RTN4: variants seen among roughly 807,000 people sequenced by gnomAD.
The protein encoded by RTN4 is reticulon-4.
Under a neutral mutation model 90.4 loss-of-function variants are expected in RTN4, and 32 were observed. The ratio of observed to expected loss-of-function variants is 0.35; its 90% CI spans 0.27 to 0.48. RTN4 has a LOEUF of 0.48. Among genes scored for constraint, RTN4 ranks in the 20% least tolerant of loss-of-function variants. The pLI, the probability that RTN4 is intolerant of heterozygous loss-of-function variation, is 0.99. For synonymous variants in RTN4, 629 were observed against 552.5 expected (o/e 1.14, Z -1.94); for missense variants, 1,706 against 1,430.2 (o/e 1.19, Z -3.11).
chr2:55,130,364 A>C, the RTN4 span, among the ~76,000 whole-genome samples: 1 of 152,202 alleles, frequency 6.6e-6, no homozygotes, highest in South Asian at 2.1e-4. Context: ...GGAAAAATAC[A>C]TACTAAGATG....
At chr2:55,067,713 C>T (rs185314863) in intron 2 of RTN4, among the ~76,000 whole-genome samples, 2 of 152,226 alleles carry the variant, frequency 1.3e-5, no homozygotes, top group East Asian at 3.9e-4. Context: ...CACACCTGGC[C>T]CCATATTGTA....
At chr2:55,120,072 C>T in the RTN4 span, among the ~76,000 whole-genome samples, 2 of 152,214 alleles carry the variant, frequency 1.3e-5, no homozygotes, top group African/African-American at 2.4e-5. Context: ...GACTGGCCCA[C>T]GGCACTGAGA....
upstream of RTN4, among the ~76,000 whole-genome samples, chr2:55,051,655 G>A (rs1668091842): frequency 6.6e-6 from 1 of 152,152 alleles, no homozygotes; most frequent in African/African-American, 2.4e-5. Context: ...TACCTGACAG[G>A]TACTGGCTAC....
the RTN4 span, among the ~76,000 whole-genome samples, chr2:55,119,876 AC>A: frequency 6.6e-6 from 1 of 152,142 alleles, no homozygotes; most frequent in African/African-American, 2.4e-5. Flanking sequence ...GAGGAGTCAG[AC>A]CATTGACCAG....
At chr2:55,078,172 A>G (rs750107139) in intron 2 of RTN4, among the ~76,000 whole-genome samples, 1 of 152,190 alleles carries the variant, frequency 6.6e-6, no homozygotes, top group Non-Finnish European at 1.5e-5. Flanking sequence ...CAAAAAACCT[A>G]TTGAAATAAA....
rs1043804491 is a variant in RTN4, at chr2:55,080,071, T to G, written c.-63+418A>C. Reference sequence around the variant, plus strand: ...GACAGGGTCCTCCCAGGCTAGAGTGTAGTGGCATGATCACAGTTAACTACA... The same window carrying G: ...GACAGGGTCCTCCCAGGCTAGAGTGGAGTGGCATGATCACAGTTAACTACA... On this transcript the variant is annotated intron_variant, in intron 2 of 3. Coordinates refer to the RTN4 transcript ENST00000427710. Among the ~76,000 whole-genome samples, 16 of 152,256 alleles carry G rather than the reference T, an allele frequency of 1.1e-4. No individual in the cohort carries two copies. In the East Asian group the frequency reaches 3.1e-3, roughly 29 times the overall value.
intron 1 of RTN4, among the ~76,000 whole-genome samples, chr2:55,105,774 C>G (rs1004520349): frequency 1.3e-5 from 2 of 152,070 alleles, no homozygotes; most frequent in Middle Eastern, 3.4e-3. Context: ...GGATACAAGA[C>G]CAACCTGGGC....
chr2:55,023,507 C>T (rs1390057845), intron 3 of RTN4, among the ~76,000 whole-genome samples: 2 of 152,094 alleles, frequency 1.3e-5, no homozygotes, highest in African/African-American at 4.8e-5. Context: ...TTCCTTTCCA[C>T]TCACTACAAT....
At chr2:55,079,909 C>G (rs1668677026) in intron 2 of RTN4, among the ~76,000 whole-genome samples, 1 of 152,190 alleles carries the variant, frequency 6.6e-6, no homozygotes, top group African/African-American at 2.4e-5. Flanking sequence ...GCCAGGCAGT[C>G]TAGTGCAAAC....
chr2:55,076,752 C>T (rs905842691), intron 2 of RTN4, among the ~76,000 whole-genome samples: 10 of 152,082 alleles, frequency 6.6e-5, no homozygotes, highest in Non-Finnish European at 1.3e-4. Flanking sequence ...TTGGGAGGGA[C>T]CCAGTGGGAG....
chr2:54,982,683 CT>C, intron 4 of RTN4, 30 bp from the exon 5 acceptor site: 1 of 1,569,528 alleles, frequency 6.4e-7, no homozygotes, highest in Non-Finnish European at 8.6e-7. Context: ...ATAATTGTCA[CT>C]AATTGGAGTG....
In RTN4 at chr2:54,987,598, G is replaced by T. The variant is rs766388200; in HGVS notation, c.3114C>A (p.Ser1038Arg). 6.2e-7 allele frequency: 1 copy of T among 1,614,114 alleles called. No individual in the cohort carries two copies. The highest frequency in any genetic ancestry group is 1.7e-5 in the Admixed American group (1 of 60,020). The change falls in exon 4 of 9, where the codon AGC becomes AGA. Residue 1038 changes from serine (S) to arginine (R), a missense_variant. Coordinates refer to ENST00000337526, the MANE Select transcript of RTN4 (RefSeq NM_020532.5). ...LLSLTVFSIV[S>R]VTAYIALALL... ...GGGCCAAGGCAATGTAGGCTGTTAC[G>T]CTCACAATGCTGAATACTGTCAATG...
Position 54,974,429 on chromosome 2 carries a change from G to A in RTN4, c.3430+266C>T, listed in dbSNP as rs568149016. Among the ~76,000 whole-genome samples, 58 of 152,152 alleles carry A rather than the reference G, an allele frequency of 3.8e-4. 1 individual carries two copies. Among genetic ancestry groups the A allele is most frequent in the Non-Finnish European group, 5.4e-4 (37 of 68,034 alleles). ...GGAGTAGCTGGGATTACAGGCGTGC[G>A]CCACCACGCCCAGCTAATTTTTTCT... On this transcript the variant is annotated intron_variant, in intron 6 of 8. Coordinates refer to ENST00000337526, the MANE Select transcript of RTN4 (RefSeq NM_020532.5).
chr2:55,051,224 G>T (rs1668081799), upstream of RTN4, among the ~76,000 whole-genome samples: 1 of 152,188 alleles, frequency 6.6e-6, no homozygotes, highest in African/African-American at 2.4e-5. Context: ...CTTCCAAAGA[G>T]AGTTTGGGGC....
chr2:55,106,580 C>T lies in RTN4; in HGVS notation c.-214+5940G>A, dbSNP rs560614007. ...TGTTGCCCAGGCTGGAGTGCAGTGG[C>T]GTGATCTCGGCTCACTGCAACCTCT... On this transcript the variant is annotated intron_variant, in intron 1 of 3. Coordinates refer to the RTN4 transcript ENST00000427710. Among the ~76,000 whole-genome samples, 30 of 152,086 alleles carry T rather than the reference C, an allele frequency of 2.0e-4. No individual in the cohort carries two copies. The South Asian group carries it at 5.4e-3, about 27-fold the overall frequency.
chr2:55,118,713 T>C, the RTN4 span, among the ~76,000 whole-genome samples: 1 of 152,114 alleles, frequency 6.6e-6, no homozygotes, highest in Non-Finnish European at 1.5e-5. Flanking sequence ...CAACCAGCCA[T>C]CAGTGCAGAG....
At chr2:55,066,169 T>TTGTGTGTGTG (rs71410416) in intron 2 of RTN4, among the ~76,000 whole-genome samples, 49 of 142,370 alleles carry the variant, frequency 3.4e-4, no homozygotes, top group African/African-American at 8.6e-4. Flanking sequence ...ATGAACCCAT[T>TTGTGTGTGTG]TGTGTGTGTG....
intron 1 of RTN4, among the ~76,000 whole-genome samples, chr2:55,085,288 G>T (rs745893200): frequency 5.9e-5 from 9 of 151,574 alleles, no homozygotes; most frequent in South Asian, 2.1e-4. Flanking sequence ...TGTGTGTGGG[G>T]GTGTGTGTGT....
chr2:55,040,852 A>G (rs932148553), intron 1 of RTN4, among the ~76,000 whole-genome samples: 9 of 152,196 alleles, frequency 5.9e-5, no homozygotes, highest in South Asian at 2.1e-4. Flanking sequence ...GAGACCACCA[A>G]TATAAGCAGC....
Sources: allele counts gnomAD v4.1 joint callset (sites outside exome capture counted in the v4.1 genomes callset), GRCh38; gene constraint gnomAD v4.1.1; transcripts MANE v1.5; gene names NCBI Gene and HGNC (gene_info 2026-07-23, HGNC 2026-07-21).